The following LARP1 variants were observed in gnomAD, a reference collection of about 807,000 sequenced individuals.
LARP1 encodes the protein la-related protein 1.
Under a neutral mutation model 122.7 loss-of-function variants are expected in LARP1, and 36 were observed. The observed-to-expected ratio is 0.29, with a 90% confidence interval of 0.22 to 0.39. The LOEUF (loss-of-function observed/expected upper bound fraction) is 0.39. Ranked by LOEUF, LARP1 falls within the 10% of genes least tolerant of loss-of-function variation. The pLI is 1.00. For synonymous variants in LARP1, 539 were observed against 528.7 expected, an observed-to-expected ratio of 1.02 and a Z score of -0.27; for missense variants, 1,040 against 1,403.6, an observed-to-expected ratio of 0.74 and a Z score of 4.14.
At chr5:154,755,245 A>C (rs904879052), upstream of LARP1, among the ~76,000 whole-genome samples, 2 of 23,256 alleles carry the variant, frequency 8.6e-5, no homozygotes, top group African/African-American at 3.8e-4. Flanking sequence ...CCCGTCGCCC[A>C]GGGCCCGGCC....
At chr5:154,794,464 A>G (rs182440632) in intron 7 of LARP1, among the ~76,000 whole-genome samples, 103 of 152,374 alleles carry the variant, frequency 6.8e-4, no homozygotes, top group African/African-American at 2.3e-3. Context: ...ATTTACCTTA[A>G]GAAAGTTAGA....
chr5:154,773,376 G>A (rs917803702), intron 1 of LARP1, among the ~76,000 whole-genome samples: 1 of 152,166 alleles, frequency 6.6e-6, no homozygotes, highest in African/African-American at 2.4e-5. Flanking sequence ...ACAGTTTGCT[G>A]TTGAGAGAAA....
At chr5:154,807,173 T>C (rs1471586494) in intron 15 of LARP1, among the ~76,000 whole-genome samples, 1 of 152,238 alleles carries the variant, frequency 6.6e-6, no homozygotes, top group African/African-American at 2.4e-5. Context: ...CAGTACTTTA[T>C]TCTTTTTATT....
At chr5:154,683,066 G>A (rs1295336566) in intron 1 of LARP1, among the ~76,000 whole-genome samples, 1 of 152,166 alleles carries the variant, frequency 6.6e-6, no homozygotes, top group African/African-American at 2.4e-5. Context: ...AAGCGACGCC[G>A]TGCGACCCGG....
chr5:154,685,961 G>A (rs1753922989), intron 1 of LARP1: 3 of 472,646 alleles, frequency 6.3e-6, no homozygotes, highest in Non-Finnish European at 1.2e-5. Context: ...CCTGGATTAA[G>A]TCTCTTTTAT....
intron 14 of LARP1, chr5:154,805,374 A>G: frequency 5.1e-6 from 1 of 196,106 alleles, no homozygotes; most frequent in Non-Finnish European, 1.0e-5. Context: ...ATCATCATAA[A>G]GGTCCTCATC....
At chr5:154,701,857 G>A (rs368719333) in intron 1 of LARP1, among the ~76,000 whole-genome samples, 133 of 152,110 alleles carry the variant, frequency 8.7e-4, no homozygotes, top group African/African-American at 3.1e-3. Context: ...GCCTGACCTC[G>A]TGATCCACCC....
intron 1 of LARP1, among the ~76,000 whole-genome samples, chr5:154,730,109 T>C (rs1445316648): frequency 6.6e-6 from 1 of 152,220 alleles, no homozygotes; most frequent in Non-Finnish European, 1.5e-5. Context: ...AACACCAATA[T>C]TGCAAGCAAC....
rs1487321230 is a variant in LARP1 at position 154,817,551 on chromosome 5, G to A, written c.*3455G>A. Reference sequence around the variant, plus strand: ...GTCCTTTGTAATTTGTGGTAATTATGCTTTTCTTTTTAATACAAAAAAATG... The same window carrying A: ...GTCCTTTGTAATTTGTGGTAATTATACTTTTCTTTTTAATACAAAAAAATG... On this transcript the variant is annotated 3_prime_UTR_variant, in exon 19 of 19. Transcript: ENST00000518297. 6.6e-6 allele frequency: 1 copy of A among 152,540 alleles called. No homozygotes were observed. Among genetic ancestry groups the A allele is most frequent in the African/African-American group, 2.4e-5 (1 of 41,412 alleles). The allele number at this position is 152,540 out of a possible 1,614,324, so 9.4% of individuals were successfully genotyped here. A position where few individuals can be genotyped will look rare whatever the true frequency, so the allele number is the denominator to read the frequency against.
At chr5:154,804,588 G>A (rs816718) in intron 14 of LARP1, among the ~76,000 whole-genome samples, 27,198 of 152,094 alleles carry the variant, frequency 0.18, 3,337 homozygotes, top group African/African-American at 0.36. Context: ...TCTACTTTCT[G>A]TCTGAGGAAG....
rs186274935 is a variant in LARP1, at chr5:154,692,719, C to A, written c.-180+9682C>A. Among the ~76,000 whole-genome samples, 756 of 152,248 alleles carry A rather than the reference C, an allele frequency of 5.0e-3. 1 individual carries two copies. The highest frequency in any genetic ancestry group is 6.6e-3 in the Non-Finnish European group (451 of 68,022). ...AGCATCACACATGGTGGACAGCTGG[C>A]CTTAAGTGCCTCCTGCCAACCTCAA... On this transcript the variant is annotated intron_variant, in intron 1 of 18. Coordinates refer to the LARP1 transcript ENST00000687700.
At chr5:154,741,440 G>A (rs996697595) in intron 1 of LARP1, among the ~76,000 whole-genome samples, 1 of 152,224 alleles carries the variant, frequency 6.6e-6, no homozygotes, top group African/African-American at 2.4e-5. Context: ...GCAAAAAGCA[G>A]ATAAACACAC....
chr5:154,795,442 G>A, intron 8 of LARP1, 123 bp downstream of exon 8: 1 of 930,586 alleles, frequency 1.1e-6, no homozygotes, highest in East Asian at 2.7e-5. Context: ...GAAGTCTCAA[G>A]GCTTGGCTAG....
intron 1 of LARP1, among the ~76,000 whole-genome samples, chr5:154,695,852 G>C (rs1237965416): frequency 6.6e-6 from 1 of 151,766 alleles, no homozygotes. Context: ...CAGCCTGGGC[G>C]ACAGAGCAAG....
chr5:154,771,893 G>C (rs1330028675), intron 1 of LARP1, among the ~76,000 whole-genome samples: 1 of 152,216 alleles, frequency 6.6e-6, no homozygotes, highest in Admixed American at 6.5e-5. Flanking sequence ...TTGGAAGGCT[G>C]TCTGGCTTTG....
chr5:154,703,233 CTCTT>C (rs1466364556), intron 1 of LARP1, among the ~76,000 whole-genome samples: 1 of 151,596 alleles, frequency 6.6e-6, no homozygotes, highest in South Asian at 2.1e-4. Context: ...AGGAGGCAGA[CTCTT>C]TCTAAGAACA....
intron 1 of LARP1, among the ~76,000 whole-genome samples, chr5:154,765,585 G>A (rs556444917): frequency 2.8e-4 from 43 of 152,218 alleles, no homozygotes; most frequent in South Asian, 1.0e-3. Flanking sequence ...GTAGGAATGG[G>A]GTCTCACTAT....
chr5:154,684,055 T>C (rs937528594), intron 1 of LARP1, among the ~76,000 whole-genome samples: 2 of 152,224 alleles, frequency 1.3e-5, no homozygotes, highest in Non-Finnish European at 2.9e-5. Flanking sequence ...TGAGACACTG[T>C]TGCATAAGGG....
At chr5:154,706,489 A>C (rs947908659) in intron 1 of LARP1, among the ~76,000 whole-genome samples, 1 of 152,094 alleles carries the variant, frequency 6.6e-6, no homozygotes, top group African/African-American at 2.4e-5. Context: ...TCTCACTTGT[A>C]AGTGGGAGCT....
Sources: allele counts gnomAD v4.1 joint callset (sites outside exome capture counted in the v4.1 genomes callset), GRCh38; gene constraint gnomAD v4.1.1; transcripts MANE v1.5; gene names NCBI Gene and HGNC (gene_info 2026-07-23, HGNC 2026-07-21).